Variants in CHD3 observed in about 807,000 individuals in gnomAD.
CHD3 encodes the protein ATP-dependent chromatin remodeler CHD3.
In CHD3, 52 loss-of-function variants were observed where a neutral mutation model predicts 248.9. The observed-to-expected ratio is 0.21, with a 90% CI of 0.17 to 0.26. The LOEUF is 0.26. CHD3 is among the 10% of genes least tolerant of loss of function. The pLI, the probability that CHD3 is intolerant of heterozygous loss-of-function variation, is 1.00. For synonymous variants in CHD3, 985 were observed against 985.2 expected (o/e 1.00, Z 0.00); for missense variants, 1,482 against 2,605.8 (o/e 0.57, Z 9.39).
Position 7,905,351 on chromosome 17 carries a change from C to T in CHD3, c.4138+186C>T, listed in dbSNP as rs184508659. The T allele has an allele frequency of 1.2e-3, 766 of 646,502 alleles. No individual in the cohort carries two copies. Among genetic ancestry groups the T allele is most frequent in the Middle Eastern group, 8.3e-3 (33 of 3,960 alleles). 40.0% of individuals were successfully genotyped at this position (646,502 alleles called of 1,614,324 possible). On this transcript the variant is annotated intron_variant, in intron 26 of 39. Transcript: ENST00000330494. The surrounding 1 kb of genome is among the most constrained non-coding windows in gnomAD (Gnocchi z 5.8). ...TAGTAAACTTCGGTGTGTGTGACCA[C>T]ATAGGCTAGATCCAGAAAGGCCATA... is the stretch of plus-strand genomic sequence containing the variant.
chr17:7,909,917 C>T lies in CHD3; in HGVS notation c.5591-511C>T, dbSNP rs1247864602. Reference sequence around the variant, plus strand: ...CCTGGTGTAGTCACTGACTCCTGGCCCCTTTGATCCCTGTTCTAATTCCTT... The same window carrying T: ...CCTGGTGTAGTCACTGACTCCTGGCTCCTTTGATCCCTGTTCTAATTCCTT... On this transcript the variant is annotated intron_variant, in intron 37 of 39. Transcript: ENST00000330494. This position sits in a 1 kb window ranked among gnomAD's most constrained non-coding sequence, Gnocchi z 8.1. 1 of 205,132 alleles carries T rather than the reference C, an allele frequency of 4.9e-6. No individual in the cohort carries two copies. The highest frequency in any genetic ancestry group is 9.9e-6 in the Non-Finnish European group (1 of 100,676). 12.7% of individuals were successfully genotyped at this position (205,132 alleles called of 1,614,324 possible). A position where few individuals can be genotyped will look rare whatever the true frequency, so the allele number is the denominator to read the frequency against.
At position 7,888,853 on chromosome 17, in the gene CHD3, A is replaced by T; in HGVS notation, c.-148A>T. On this transcript the variant is annotated 5_prime_UTR_variant, in exon 1 of 40. The change abolishes an upstream ATG in the 5' untranslated region. Transcript: ENST00000330494. Reference sequence around the variant, plus strand: ...TGGGTCAGGATATCTGGAACAAAATATGGAGGTGAAGGGTGAGATCGGGAA... The same window carrying T: ...TGGGTCAGGATATCTGGAACAAAATTTGGAGGTGAAGGGTGAGATCGGGAA... 1 of 1,463,870 alleles carries T rather than the reference A, an allele frequency of 6.8e-7. No individual in the cohort carries two copies. Among genetic ancestry groups the T allele is most frequent in the Non-Finnish European group, 9.0e-7 (1 of 1,111,856 alleles). 90.7% of individuals were successfully genotyped at this position (1,463,870 alleles called of 1,614,324 possible). A position where few individuals can be genotyped will look rare whatever the true frequency, so the allele number is the denominator to read the frequency against.
Position 7,889,621 on chromosome 17 carries a change from G to T in CHD3, c.101-43G>T. The T allele has an allele frequency of 6.5e-7, 1 of 1,550,116 alleles. No homozygotes were observed. The highest frequency in any genetic ancestry group is 8.8e-7 in the Non-Finnish European group (1 of 1,136,774). On this transcript the variant is annotated intron_variant, in intron 1 of 39. Coordinates refer to ENST00000330494, the MANE Select transcript of CHD3 (RefSeq NM_001005273.3). This position sits in a 1 kb window ranked among gnomAD's most constrained non-coding sequence, Gnocchi z 4.5. ...GCAAGTTGAGGGGCCTCAGAGGCTG[G>T]AAACCTAGAGGCTTAGGTTTTCTGA...
intron 2 of CHD3, 169 bp from the exon 3 acceptor site, chr17:7,890,402 A>G (rs1968662878): frequency 3.6e-6 from 2 of 555,156 alleles, no homozygotes; most frequent in Non-Finnish European, 6.2e-6. Context: ...GCACTCCAGC[A>G]TGGGTGACAG....
chr17:7,888,929 G>C lies in CHD3; in HGVS notation c.-72G>C. ...CAAAGGGAGCAGGGAGATGGGAATAGAATTGAAGGTAGGTTTTAGGCTACT... is the reference window on the plus strand; with the variant it reads ...CAAAGGGAGCAGGGAGATGGGAATACAATTGAAGGTAGGTTTTAGGCTACT... On this transcript the variant is annotated 5_prime_UTR_variant, in exon 1 of 40. Coordinates refer to ENST00000330494, the MANE Select transcript of CHD3 (RefSeq NM_001005273.3). The C allele has an allele frequency of 1.2e-6, 2 of 1,608,038 alleles. No homozygotes were observed. Among genetic ancestry groups the C allele is most frequent in the Non-Finnish European group, 8.5e-7 (1 of 1,176,568 alleles).
Position 7,894,128 on chromosome 17 carries a change from G to A in CHD3, c.938G>A (p.Ser313Asn), listed in dbSNP as rs762341187. The A allele has an allele frequency of 3.7e-6, 6 of 1,613,622 alleles. No homozygotes were observed. The highest frequency in any genetic ancestry group is 1.3e-5 in the African/African-American group (1 of 74,904). The part of the protein sequence containing the change: ...RKKGGSYVFQ[S>N]DEGPEPEAEE... ...GGCTATGGGCAGTATGTTTTTCAGA[G>A]CGACGAAGGTCCTGAACCAGAGGCT... is the stretch of plus-strand genomic sequence containing the variant. The change falls in exon 7 of 40, where the codon AGC becomes AAC. Residue 313 changes from serine to asparagine, a missense_variant. Physicochemically the swap from Ser to Asn is conservative, Grantham distance 46. This residue lies in a region of CHD3 where 149 missense variants were observed against 182.6 expected (regional missense o/e 0.82). Transcript: ENST00000330494.
chr17:7,909,205 G>C lies in CHD3; in HGVS notation c.5457G>C (p.Ser1819=). ...QLRRAAYLNL[S]QEPAHPAMAL... ...GGCGGGCGGCCTACCTGAACCTGTC[G>C]CAGGAGCCGGCGCACCCCGCCATGG... is the stretch of plus-strand genomic sequence containing the variant. Residue 1819 remains serine, a synonymous_variant, in exon 37 of 40, where the codon TCG becomes TCC. Transcript: ENST00000330494. This position sits in a 1 kb window ranked among gnomAD's most constrained non-coding sequence, Gnocchi z 8.1. 1 of 1,549,146 alleles carries C rather than the reference G, an allele frequency of 6.5e-7. No homozygotes were observed. Among genetic ancestry groups the C allele is most frequent in the South Asian group, 1.2e-5 (1 of 84,034 alleles).
In CHD3 at chr17:7,897,386, G is replaced by GGT. The variant is rs1969817912; in HGVS notation, c.1919+93_1919+94dup. On this transcript the variant is annotated intron_variant, in intron 11 of 39. Coordinates refer to ENST00000330494, the MANE Select transcript of CHD3 (RefSeq NM_001005273.3). This position sits in a 1 kb window ranked among gnomAD's most constrained non-coding sequence, Gnocchi z 4.8. ...CATGTTAGTATTTGCTGATTAACCA[G>GGT]GTAATTGATCTAACCTTGATAACCT... 8.8e-7 allele frequency: 1 copy of GGT among 1,139,276 alleles called. No individual in the cohort carries two copies. The highest frequency in any genetic ancestry group is 1.5e-5 in the African/African-American group (1 of 65,898). 70.6% of individuals were successfully genotyped at this position (1,139,276 alleles called of 1,614,324 possible).
At position 7,903,511 on chromosome 17, in the gene CHD3, C is replaced by A. The variant is rs1396831805; in HGVS notation, c.3727+8C>A. On this transcript the variant is annotated splice_region_variant and intron_variant, in intron 23 of 39. Coordinates refer to ENST00000330494, the MANE Select transcript of CHD3 (RefSeq NM_001005273.3). The surrounding 1 kb of genome is among the most constrained non-coding windows in gnomAD (Gnocchi z 6.8). ...TCAAGGATGAAAACGAGGGTGAGAA[C>A]CTTTTCTGCAGCTCTGTGAAAGCAG... is the stretch of plus-strand genomic sequence containing the variant. 2 of 1,604,910 alleles carry A rather than the reference C, an allele frequency of 1.2e-6. No individual in the cohort carries two copies. Among genetic ancestry groups the A allele is most frequent in the Non-Finnish European group, 1.7e-6 (2 of 1,173,642 alleles).
At position 7,898,011 on chromosome 17, in the gene CHD3, A is replaced by T; in HGVS notation, c.1960A>T (p.Arg654Trp). ...GAATTACCACTATCTAGTAAAATGG[A>T]GGGACTTACCATATGACCAGTCCAC... is the stretch of plus-strand genomic sequence containing the variant. ...KGNYHYLVKW[R>W]DLPYDQSTWE... The change falls in exon 12 of 40, where the codon AGG becomes TGG. Residue 654 changes from arginine (R) to tryptophan (W), a missense_variant. Coordinates refer to ENST00000330494, the MANE Select transcript of CHD3 (RefSeq NM_001005273.3). 1 of 1,614,052 alleles carries T rather than the reference A, an allele frequency of 6.2e-7. No individual in the cohort carries two copies. Among genetic ancestry groups the T allele is most frequent in the Non-Finnish European group, 8.5e-7 (1 of 1,179,910 alleles).
In CHD3 at chr17:7,895,594, C is replaced by T. The variant is rs1969524168; in HGVS notation, c.1707+52C>T. On this transcript the variant is annotated intron_variant, in intron 10 of 39. Coordinates refer to ENST00000330494, the MANE Select transcript of CHD3 (RefSeq NM_001005273.3). This position sits in a 1 kb window ranked among gnomAD's most constrained non-coding sequence, Gnocchi z 4.9. ...CCCCATGACCTCATTTCCTGCCATC[C>T]TCTCCCTCTCTTACTCCTCTGTTTG... The T allele has an allele frequency of 2.0e-6, 3 of 1,471,138 alleles. No individual in the cohort carries two copies. The highest frequency in any genetic ancestry group is 2.3e-5 in the East Asian group (1 of 44,194). The allele number at this position is 1,471,138 out of a possible 1,614,324, so 91.1% of individuals were successfully genotyped here. A position where few individuals can be genotyped will look rare whatever the true frequency, so the allele number is the denominator to read the frequency against.
chr17:7,898,727 T>C, intron 13 of CHD3, 132 bp downstream of exon 13: 1 of 782,150 alleles, frequency 1.3e-6, no homozygotes, highest in South Asian at 1.8e-5. Flanking sequence ...GCATCCAGTC[T>C]TGCCCCAAGA....
chr17:7,908,549 T>C lies in CHD3; in HGVS notation c.5261+39T>C, dbSNP rs371326639. 3.4e-5 allele frequency: 53 copies of C among 1,577,398 alleles called. No individual in the cohort carries two copies. In the African/African-American group the frequency reaches 6.4e-4, roughly 19 times the overall value. On this transcript the variant is annotated intron_variant, in intron 35 of 39. Transcript: ENST00000330494. This position sits in a 1 kb window ranked among gnomAD's most constrained non-coding sequence, Gnocchi z 5.8. Reference sequence around the variant, plus strand: ...CACATGCAAGAAGGAAAAGGTTCTCTCAAGCTGGCAAAAAAAAAAAAGATG... The same window carrying C: ...CACATGCAAGAAGGAAAAGGTTCTCCCAAGCTGGCAAAAAAAAAAAAGATG...
In CHD3 at chr17:7,895,146, G is replaced by A; in HGVS notation, c.1499G>A (p.Cys500Tyr). ...IPNGEWLCPR[C>Y]TCPVLKGRVQ... ...AATGGTGAATGGCTGTGTCCCCGAT[G>A]CACAGTGAGTGGAAACATCTCCCCT... Residue 500 changes from cysteine (C) to tyrosine (Y), a missense_variant, in exon 9 of 40, where the codon TGC (cysteine) becomes TAC (tyrosine). Cys to Tyr is a radical substitution (Grantham distance 194). Coordinates refer to ENST00000330494, the MANE Select transcript of CHD3 (RefSeq NM_001005273.3). The surrounding 1 kb of genome is among the most constrained non-coding windows in gnomAD (Gnocchi z 4.9). The A allele has an allele frequency of 6.2e-7, 1 of 1,613,574 alleles. No individual in the cohort carries two copies. The highest frequency in any genetic ancestry group is 8.5e-7 in the Non-Finnish European group (1 of 1,179,658).
intron 2 of CHD3, 99 bp from the exon 3 acceptor site, chr17:7,890,472 T>G: frequency 1.2e-6 from 1 of 808,446 alleles, no homozygotes; most frequent in South Asian, 2.4e-5. Context: ...ATCACAGGAT[T>G]GTTGTGAAGA....
chr17:7,894,842 T>A, intron 8 of CHD3, 75 bp from the exon 9 acceptor site: 1 of 1,575,246 alleles, frequency 6.3e-7, no homozygotes, highest in Non-Finnish European at 8.6e-7. Flanking sequence ...TCAGGTGTCC[T>A]GTCTTTGCCT....
Position 7,894,187 on chromosome 17 carries a change from A to G in CHD3, c.997A>G (p.Ser333Gly), listed in dbSNP as rs1251276602. ...ESDLDSGSVHSASGRPDGPVR... is the reference protein window; with the variant it reads ...ESDLDSGSVHGASGRPDGPVR... ...AGACCTGGACAGTGGCAGTGTCCAC[A>G]GTGCCTCAGGCCGGCCTGATGGCCC... The change falls in exon 7 of 40, where the codon AGT becomes GGT. Residue 333 changes from serine (S) to glycine (G), a missense_variant. Physicochemically the swap from Ser to Gly is moderately conservative, Grantham distance 56 (BLOSUM62 0). Transcript: ENST00000330494. 1 of 1,614,112 alleles carries G rather than the reference A, an allele frequency of 6.2e-7. No individual in the cohort carries two copies. Among genetic ancestry groups the G allele is most frequent in the East Asian group, 2.2e-5 (1 of 44,896 alleles).
Position 7,910,584 on chromosome 17 carries a change from C to T in CHD3, c.5747C>T (p.Pro1916Leu), listed in dbSNP as rs377747033. The T allele has an allele frequency of 1.9e-5, 31 of 1,609,460 alleles. No homozygotes were observed. Among genetic ancestry groups the T allele is most frequent in the Non-Finnish European group, 2.6e-5 (31 of 1,179,464 alleles). ...GCCAGCAAGGGCACGGAGCCTCACC[C>T]CACACCGGTAACCCTCTTTCCCCCT... The part of the protein sequence containing the change: ...RLASKGTEPH[P>L]TPAYPPGPYA... The change falls in exon 38 of 40, where the codon CCC becomes CTC. Residue 1916 changes from proline (P) to leucine (L), a missense_variant. Transcript: ENST00000330494. This position sits in a 1 kb window ranked among gnomAD's most constrained non-coding sequence, Gnocchi z 4.7.
At chr17:7,898,951 A>T in intron 13 of CHD3, 60 bp from the exon 14 acceptor site, 1 of 1,440,856 alleles carries the variant, frequency 6.9e-7, no homozygotes. Context: ...GGAGGAAGAG[A>T]CTAAGACTGG....
Sources: gnomAD v4.1 joint callset for allele counts on GRCh38, gnomAD v4.1.1 for gene constraint, gnomAD v4.1.1 regional missense constraint, Gnocchi (gnomAD v3.1) non-coding constraint, MANE v1.5 for transcripts, NCBI Gene and HGNC (gene_info 2026-07-23, HGNC 2026-07-21) for gene names.